Variants in SPOP observed in about 807,000 individuals in gnomAD.
SPOP encodes the protein speckle type BTB/POZ protein.
In SPOP, 11 loss-of-function variants were observed where a neutral mutation model predicts 45.6. That is an observed-to-expected ratio of 0.24 (90% confidence interval 0.15 to 0.40). The LOEUF (loss-of-function observed/expected upper bound fraction) is 0.40, where lower values mean the gene tolerates loss of function less well. Ranked by LOEUF, SPOP falls within the 10% of genes least tolerant of loss-of-function variation. The pLI is 1.00. For synonymous variants in SPOP, 166 were observed against 166.3 expected, an observed-to-expected ratio of 1.00 and a Z score of 0.01; for missense variants, 152 against 465.6, an observed-to-expected ratio of 0.33 and a Z score of 6.20.
chr17:49,622,617 T>G, intron 2 of SPOP, 116 bp downstream of exon 2: 1 of 869,524 alleles, frequency 1.2e-6, no homozygotes, highest in South Asian at 1.5e-5. Flanking sequence ...TATCTGCTCT[T>G]TGGCAGTTAT....
intron 1 of SPOP, chr17:49,636,954 T>G (rs1288985587): frequency 6.6e-6 from 1 of 152,180 alleles, no homozygotes; most frequent in Non-Finnish European, 1.5e-5. Flanking sequence ...AAAAATTTAC[T>G]AGTCAAAATT....
At chr17:49,673,348 T>C (rs2073161004) in intron 1 of SPOP, among the ~76,000 whole-genome samples, 1 of 151,686 alleles carries the variant, frequency 6.6e-6, no homozygotes, top group Non-Finnish European at 1.5e-5. Flanking sequence ...TACTAAAAAA[T>C]ACAAAAAATT....
At chr17:49,669,058 G>A (rs1435162900) in intron 1 of SPOP, among the ~76,000 whole-genome samples, 7 of 138,958 alleles carry the variant, frequency 5.0e-5, no homozygotes, top group Non-Finnish European at 7.6e-5. Context: ...TTACAGGCGC[G>A]AGCCACCGCG....
At position 49,607,244 on chromosome 17, in the gene SPOP, T is replaced by G. The variant is rs202009344; in HGVS notation, c.837+6A>C. 6.2e-7 allele frequency: 1 copy of G among 1,614,088 alleles called. No individual in the cohort carries two copies. The highest frequency in any genetic ancestry group is 1.3e-5 in the African/African-American group (1 of 75,046). On this transcript the variant is annotated splice_donor_region_variant and intron_variant, in intron 8 of 9. Coordinates refer to ENST00000504102, the MANE Select transcript of SPOP (RefSeq NM_001007228.2). Reference sequence around the variant, plus strand: ...AGTCCTGATTATTTTTCTATTCTTATCTTACCTTGTCAGCAGCTGCCAGCA... The same window carrying G: ...AGTCCTGATTATTTTTCTATTCTTAGCTTACCTTGTCAGCAGCTGCCAGCA...
At chr17:49,663,593 T>TA (rs970229310) in intron 1 of SPOP, among the ~76,000 whole-genome samples, 4 of 151,536 alleles carry the variant, frequency 2.6e-5, no homozygotes, top group African/African-American at 7.3e-5. Flanking sequence ...AAATAGTCTG[T>TA]AAAAAAACTG....
chr17:49,621,675 A>G (rs1000927593), intron 3 of SPOP, among the ~76,000 whole-genome samples: 5 of 152,192 alleles, frequency 3.3e-5, no homozygotes, highest in African/African-American at 4.8e-5. Flanking sequence ...CCATTTATGG[A>G]TATCATTTAT....
At chr17:49,660,511 T>C (rs933553333) in intron 1 of SPOP, among the ~76,000 whole-genome samples, 1 of 152,192 alleles carries the variant, frequency 6.6e-6, no homozygotes, top group Admixed American at 6.5e-5. Flanking sequence ...GTTTGCTGCC[T>C]GAATATAAGC....
intron 1 of SPOP, among the ~76,000 whole-genome samples, chr17:49,633,593 T>G (rs1420851622): frequency 6.6e-6 from 1 of 152,204 alleles, no homozygotes; most frequent in Admixed American, 6.5e-5. Flanking sequence ...GATCATTCCC[T>G]TGCCCTAGAA....
chr17:49,638,983 C>G (rs1261703236), intron 1 of SPOP, among the ~76,000 whole-genome samples: 2 of 152,126 alleles, frequency 1.3e-5, no homozygotes, highest in African/African-American at 2.4e-5. Context: ...AACAATCCCA[C>G]GTAGTTCAGT....
At chr17:49,604,708 A>C (rs911071965) in intron 8 of SPOP, among the ~76,000 whole-genome samples, 6 of 152,074 alleles carry the variant, frequency 3.9e-5, no homozygotes, top group African/African-American at 1.4e-4. Flanking sequence ...ACACAGGAAA[A>C]GCTCCCACAG....
intron 5 of SPOP, chr17:49,618,686 C>A: frequency 4.3e-6 from 2 of 463,744 alleles, no homozygotes; most frequent in Non-Finnish European, 8.1e-6. Flanking sequence ...CTTTCAAATG[C>A]TATCTGAAAA....
intron 1 of SPOP, among the ~76,000 whole-genome samples, chr17:49,633,098 T>C (rs2072482557): frequency 6.6e-6 from 1 of 152,238 alleles, no homozygotes; most frequent in South Asian, 2.1e-4. Context: ...AAGCATAGTA[T>C]TATGTGTTCA....
chr17:49,623,131 C>T lies in SPOP; in HGVS notation c.-66-255G>A, dbSNP rs528423580. Among the ~76,000 whole-genome samples, 317 of 152,222 alleles carry T rather than the reference C, an allele frequency of 2.1e-3. 4 individuals carry two copies. The highest frequency in any genetic ancestry group is 7.5e-3 in the African/African-American group (313 of 41,502). On this transcript the variant is annotated intron_variant, in intron 1 of 9. Coordinates refer to ENST00000504102, the MANE Select transcript of SPOP (RefSeq NM_001007228.2). ...TCAAGTGATTCTCCTGCCTAAGCCT[C>T]CCGAGTAGCTGGGATTACAGGCATG...
At chr17:49,650,503 C>G (rs749652589) in intron 1 of SPOP, among the ~76,000 whole-genome samples, 9 of 152,128 alleles carry the variant, frequency 5.9e-5, no homozygotes, top group Non-Finnish European at 1.0e-4. Flanking sequence ...TCCCTTGAAA[C>G]CGGGAGGTGG....
At chr17:49,657,025 A>T (rs2072921672) in intron 1 of SPOP, among the ~76,000 whole-genome samples, 1 of 151,964 alleles carries the variant, frequency 6.6e-6, no homozygotes, top group Non-Finnish European at 1.5e-5. Context: ...ACTAAAAAAA[A>T]ATACAAAAAA....
intron 1 of SPOP, among the ~76,000 whole-genome samples, chr17:49,662,210 CA>C (rs2072998009): frequency 6.6e-6 from 1 of 151,952 alleles, no homozygotes; most frequent in African/African-American, 2.4e-5. Context: ...TTGCCCCCCT[CA>C]GATTGTGACA....
At chr17:49,614,924 T>A (rs973980266) in intron 5 of SPOP, among the ~76,000 whole-genome samples, 5 of 151,738 alleles carry the variant, frequency 3.3e-5, no homozygotes, top group Non-Finnish European at 7.4e-5. Flanking sequence ...AGCGGTGTGA[T>A]CACAGCTCAC....
chr17:49,617,062 CAG>C (rs1223271051), intron 5 of SPOP, among the ~76,000 whole-genome samples: 1 of 152,076 alleles, frequency 6.6e-6, no homozygotes, highest in African/African-American at 2.4e-5. Context: ...ACTGTGAAGA[CAG>C]GGGTTGGAGC....
At chr17:49,677,570 GC>G (rs1355366353) in intron 1 of SPOP, among the ~76,000 whole-genome samples, 1 of 152,080 alleles carries the variant, frequency 6.6e-6, no homozygotes. Context: ...ATGCGCATGC[GC>G]CCCCGGGGCA....
Sources: allele counts gnomAD v4.1 joint callset (sites outside exome capture counted in the v4.1 genomes callset), GRCh38; gene constraint gnomAD v4.1.1; transcripts MANE v1.5; gene names NCBI Gene and HGNC (gene_info 2026-07-23, HGNC 2026-07-21).